TGFBR2: variants seen among roughly 807,000 people sequenced by gnomAD.
TGFBR2 encodes transforming growth factor beta receptor 2.
In TGFBR2, 18 loss-of-function variants were observed where a neutral mutation model predicts 49.0. That is an observed-to-expected ratio of 0.37 (90% CI 0.25 to 0.54). The LOEUF is 0.54. TGFBR2 is among the 20% of genes least tolerant of loss of function. The probability of loss-of-function intolerance (pLI) is 0.85; values close to 1 mark genes in which losing one functional copy is unlikely to be tolerated. For synonymous variants in TGFBR2, 282 were observed against 275.9 expected (o/e 1.02, Z -0.22); for missense variants, 525 against 722.6 (o/e 0.73, Z 3.13).
chr3:30,616,137 C>T (rs939408788), intron 1 of TGFBR2, among the ~76,000 whole-genome samples: 1 of 151,786 alleles, frequency 6.6e-6, no homozygotes, highest in Admixed American at 6.6e-5. Flanking sequence ...TAAAGAGTGC[C>T]CCTGAAATTT....
chr3:30,650,363 A>G lies in TGFBR2; in HGVS notation c.357A>G (p.Pro119=), dbSNP rs1289655076. ...HDFILEDAAS[P]KCIMKEKKKP... is the part of the protein sequence containing the mutation. ...TTATTCTGGAAGATGCTGCTTCTCCAAAGTGCATTATGAAGGAAAAAAAAA... is the reference window on the plus strand; with the variant it reads ...TTATTCTGGAAGATGCTGCTTCTCCGAAGTGCATTATGAAGGAAAAAAAAA... The change falls in exon 3 of 7, where the codon CCA becomes CCG. Residue 119 remains proline (P), a synonymous_variant. Coordinates refer to ENST00000295754, the MANE Select transcript of TGFBR2 (RefSeq NM_003242.6). The G allele has an allele frequency of 3.1e-6, 5 of 1,614,076 alleles. No homozygotes were observed. The highest frequency in any genetic ancestry group is 4.2e-6 in the Non-Finnish European group (5 of 1,179,974).
At chr3:30,666,335 A>G (rs917302194) in intron 3 of TGFBR2, among the ~76,000 whole-genome samples, 17 of 152,330 alleles carry the variant, frequency 1.1e-4, no homozygotes, top group African/African-American at 4.1e-4. Flanking sequence ...GGCCATGAGA[A>G]TAGGCTCTGA....
At chr3:30,638,503 G>A (rs1172421766) in intron 1 of TGFBR2, among the ~76,000 whole-genome samples, 2 of 152,168 alleles carry the variant, frequency 1.3e-5, no homozygotes, top group Non-Finnish European at 2.9e-5. Context: ...ACTGTCAGTT[G>A]AAGGAAAGCC....
At chr3:30,606,378 C>A (rs545593831), upstream of TGFBR2, 2 of 227,354 alleles carry the variant, frequency 8.8e-6, no homozygotes, top group South Asian at 3.7e-4. Flanking sequence ...ATACTTGGAG[C>A]GAGGAACTCC....
intron 1 of TGFBR2, among the ~76,000 whole-genome samples, chr3:30,642,277 A>G (rs995565884): frequency 4.0e-5 from 6 of 151,864 alleles, no homozygotes. Context: ...CCTCAGCAGC[A>G]TAAGTTGTAT....
At chr3:30,631,081 G>A (rs1032542917) in intron 1 of TGFBR2, among the ~76,000 whole-genome samples, 17 of 134,062 alleles carry the variant, frequency 1.3e-4, no homozygotes, top group African/African-American at 2.8e-4. Flanking sequence ...TTGCTCTGTC[G>A]TAAGGCTGGA....
intron 1 of TGFBR2, among the ~76,000 whole-genome samples, chr3:30,613,906 C>G (rs971637118): frequency 3.9e-5 from 6 of 152,176 alleles, no homozygotes; most frequent in African/African-American, 1.4e-4. Flanking sequence ...GGGGGTGGAT[C>G]TGCAGCAGCA....
intron 2 of TGFBR2, among the ~76,000 whole-genome samples, chr3:30,647,454 A>T (rs570169819): frequency 6.6e-6 from 1 of 152,276 alleles, no homozygotes; most frequent in African/African-American, 2.4e-5. Flanking sequence ...AGGAAACCTA[A>T]ACTAAGACAG....
chr3:30,693,842 T>A lies in TGFBR2; in HGVS notation c.*2243T>A. On this transcript the variant is annotated 3_prime_UTR_variant, in exon 7 of 7. Coordinates refer to ENST00000295754, the MANE Select transcript of TGFBR2 (RefSeq NM_003242.6). The stretch of plus-strand genomic sequence containing the variant: ...ACTGTGGCTTGTTTTGTTTATGTTT[T>A]TTTTTCTTATTCAAGAAAAAAGACC... 1 of 232,954 alleles carries A rather than the reference T, an allele frequency of 4.3e-6. No individual in the cohort carries two copies. 14.4% of individuals were successfully genotyped at this position (232,954 alleles called of 1,614,324 possible). A position where few individuals can be genotyped will look rare whatever the true frequency, so the allele number is the denominator to read the frequency against.
rs5847642 is a variant in TGFBR2, at chr3:30,628,493, C to CAA, written c.95-16241_95-16240dup. Among the ~76,000 whole-genome samples, 70 of 103,248 alleles carry CAA rather than the reference C, an allele frequency of 6.8e-4. 1 individual carries two copies. In the South Asian group the frequency reaches 0.014, roughly 20 times the overall value. The allele number at this position is 103,248 out of a possible 152,430, so 67.7% of individuals were successfully genotyped here. A position where few individuals can be genotyped will look rare whatever the true frequency, so the allele number is the denominator to read the frequency against. On this transcript the variant is annotated intron_variant, in intron 1 of 6. Transcript: ENST00000295754. ...TTGGCATGCTGTGACTTAAATCCTC[C>CAA]AAAAAAAAAAAAAAGCCTTTGAAAA...
chr3:30,608,392 T>G (rs1254071706), intron 1 of TGFBR2, among the ~76,000 whole-genome samples: 1 of 152,178 alleles, frequency 6.6e-6, no homozygotes, highest in Non-Finnish European at 1.5e-5. Context: ...TTACATCATC[T>G]TCATGTTTAA....
chr3:30,691,118 G>A (rs1016739805), intron 6 of TGFBR2, among the ~76,000 whole-genome samples: 1 of 152,190 alleles, frequency 6.6e-6, no homozygotes, highest in South Asian at 2.1e-4. Context: ...GGGAGTGTTA[G>A]TGTACCCCAG....
chr3:30,651,417 TC>T (rs1698884244), intron 3 of TGFBR2, among the ~76,000 whole-genome samples: 1 of 152,174 alleles, frequency 6.6e-6, no homozygotes, highest in African/African-American at 2.4e-5. Flanking sequence ...CATCTGTCCA[TC>T]CTTCCATCCA....
intron 1 of TGFBR2, among the ~76,000 whole-genome samples, chr3:30,630,042 T>A (rs1335201962): frequency 6.6e-6 from 1 of 152,146 alleles, no homozygotes; most frequent in Admixed American, 6.5e-5. Flanking sequence ...TTTCTAAGAG[T>A]TACATTTATA....
chr3:30,652,955 A>G (rs1361087420), intron 3 of TGFBR2, among the ~76,000 whole-genome samples: 1 of 152,174 alleles, frequency 6.6e-6, no homozygotes, highest in Non-Finnish European at 1.5e-5. Context: ...GGCATCCCTC[A>G]TATTTTTCCT....
chr3:30,664,676 G>A (rs990698662), intron 3 of TGFBR2, among the ~76,000 whole-genome samples: 5 of 152,178 alleles, frequency 3.3e-5, no homozygotes, highest in Non-Finnish European at 5.9e-5. Context: ...ATGCACACGC[G>A]CGTGCGCGCA....
Position 30,692,847 on chromosome 3 carries a change from G to A in TGFBR2, c.*1248G>A, listed in dbSNP as rs1268983739. 1 of 233,096 alleles carries A rather than the reference G, an allele frequency of 4.3e-6. No individual in the cohort carries two copies. Among genetic ancestry groups the A allele is most frequent in the African/African-American group, 2.2e-5 (1 of 45,324 alleles). 14.4% of individuals were successfully genotyped at this position (233,096 alleles called of 1,614,324 possible). ...TTTGCAGGAAAATCTGGATCCCCAG[G>A]TAAGGATAGCAGATGGTTTTCAGTT... On this transcript the variant is annotated 3_prime_UTR_variant, in exon 7 of 7. Coordinates refer to ENST00000295754, the MANE Select transcript of TGFBR2 (RefSeq NM_003242.6).
At chr3:30,620,158 G>A (rs1298515148) in intron 1 of TGFBR2, among the ~76,000 whole-genome samples, 2 of 152,208 alleles carry the variant, frequency 1.3e-5, no homozygotes, top group East Asian at 1.9e-4. Context: ...CTGCACTCCA[G>A]CCTAGGCGAC....
intron 1 of TGFBR2, chr3:30,623,238 C>T: frequency 1.9e-6 from 3 of 1,612,200 alleles, no homozygotes; most frequent in Non-Finnish European, 2.5e-6. Flanking sequence ...ATCATCTGCC[C>T]CAGCTGTAAT....
Sources: allele counts gnomAD v4.1 joint callset (sites outside exome capture counted in the v4.1 genomes callset), GRCh38; gene constraint gnomAD v4.1.1; transcripts MANE v1.5; gene names NCBI Gene and HGNC (gene_info 2026-07-23, HGNC 2026-07-21).